OR13A1: variants seen among roughly 807,000 people sequenced by gnomAD.
The protein encoded by OR13A1 is olfactory receptor 13A1.
In OR13A1, 10 loss-of-function variants were observed where a neutral mutation model predicts 7.5. The ratio of observed to expected loss-of-function variants is 1.34; its 90% CI spans 0.83 to 2.27. OR13A1 has a LOEUF of 2.27. Ranked by LOEUF, OR13A1 falls within the 30% of genes most tolerant of loss-of-function variation. OR13A1 has a pLI of 0.00. For synonymous variants in OR13A1, 238 were observed against 177.9 expected, an observed-to-expected ratio of 1.34 and a Z score of -2.69; for missense variants, 509 against 419.1, an observed-to-expected ratio of 1.21 and a Z score of -1.87.
At chr10:45,312,680 T>A (rs1046263285) in intron 1 of OR13A1, among the ~76,000 whole-genome samples, 2 of 152,016 alleles carry the variant, frequency 1.3e-5, no homozygotes, top group African/African-American at 4.8e-5. Flanking sequence ...CAAAAGAAAG[T>A]AACTTGTCAT....
chr10:45,304,608 TG>T, intron 3 of OR13A1, 174 bp from the exon 4 acceptor site: 1 of 588,616 alleles, frequency 1.7e-6, no homozygotes, highest in Non-Finnish European at 3.0e-6. Flanking sequence ...TAAATACAGT[TG>T]GCCAGTTAAA....
chr10:45,313,088 A>G (rs1171438819), intron 1 of OR13A1, among the ~76,000 whole-genome samples: 1 of 152,124 alleles, frequency 6.6e-6, no homozygotes, highest in Non-Finnish European at 1.5e-5. Flanking sequence ...AAAAATAACT[A>G]TAAAACTGTG....
At chr10:45,315,240 G>C (rs962481229) in intron 1 of OR13A1, among the ~76,000 whole-genome samples, 3 of 152,064 alleles carry the variant, frequency 2.0e-5, no homozygotes, top group African/African-American at 7.2e-5. Flanking sequence ...CTTGAACCCA[G>C]GAGGCAAATG....
At chr10:45,308,155 G>C (rs552917517) in intron 1 of OR13A1, among the ~76,000 whole-genome samples, 1 of 152,160 alleles carries the variant, frequency 6.6e-6, no homozygotes, top group Non-Finnish European at 1.5e-5. Flanking sequence ...TTGTAGACAT[G>C]CTTCAAGAAC....
chr10:45,314,936 C>T (rs541940479), intron 1 of OR13A1, among the ~76,000 whole-genome samples: 1 of 152,162 alleles, frequency 6.6e-6, no homozygotes, highest in Non-Finnish European at 1.5e-5. Context: ...AAACAAACAA[C>T]AGCCCAGAAC....
chr10:45,314,008 C>A (rs1838484204), intron 1 of OR13A1, among the ~76,000 whole-genome samples: 1 of 151,888 alleles, frequency 6.6e-6, no homozygotes, highest in Non-Finnish European at 1.5e-5. Flanking sequence ...ACATGTTATA[C>A]CACAAAAAAA....
At chr10:45,307,957 G>A (rs1317970230) in intron 1 of OR13A1, 149 bp from the exon 2 acceptor site, 1 of 152,118 alleles carries the variant, frequency 6.6e-6, no homozygotes, top group African/African-American at 2.4e-5. Flanking sequence ...CAATTTACTT[G>A]TAGTGAGATT....
chr10:45,314,425 C>T (rs1348661465), intron 1 of OR13A1, among the ~76,000 whole-genome samples: 1 of 148,794 alleles, frequency 6.7e-6, no homozygotes, highest in African/African-American at 2.5e-5. Flanking sequence ...AGCAAGACCC[C>T]ATCTCCACAA....
At chr10:45,310,988 A>G (rs1024406198) in intron 1 of OR13A1, among the ~76,000 whole-genome samples, 26 of 152,182 alleles carry the variant, frequency 1.7e-4, no homozygotes, top group African/African-American at 9.6e-5. Flanking sequence ...TGCTTTGTAG[A>G]GTTGTGGAAT....
chr10:45,302,577 C>G (rs1321899874), downstream of OR13A1: 1 of 152,196 alleles, frequency 6.6e-6, no homozygotes, highest in East Asian at 1.9e-4. Context: ...TTCCAAGATA[C>G]AACTAAACAT....
In OR13A1 at chr10:45,304,070, T is replaced by C. The variant is rs889567050; in HGVS notation, c.353A>G (p.Gln118Arg). Reference protein sequence around the residue: ...SSISYGGCMAQLYFLTWAASS... With the variant: ...SSISYGGCMARLYFLTWAASS... ...TGCAGCCCACGTGAGGAAATAGAGC[T>C]GGGCCATGCAGCCCCCGTAGGAGAT... The change falls in exon 4 of 4, where the codon CAG (glutamine) becomes CGG (arginine). Residue 118 changes from glutamine (Q) to arginine (R), a missense_variant. Coordinates refer to ENST00000553795, the MANE Select transcript of OR13A1 (RefSeq NM_001004297.3). 3 of 1,613,930 alleles carry C rather than the reference T, an allele frequency of 1.9e-6. No homozygotes were observed. The highest frequency in any genetic ancestry group is 8.5e-7 in the Non-Finnish European group (1 of 1,179,872).
At chr10:45,306,353 T>C (rs1838329205) in intron 3 of OR13A1, among the ~76,000 whole-genome samples, 1 of 151,536 alleles carries the variant, frequency 6.6e-6, no homozygotes, top group Admixed American at 6.6e-5. Context: ...CTCTGGAGGC[T>C]GAGGCAGGAG....
chr10:45,314,596 A>G (rs1040389368), intron 1 of OR13A1, among the ~76,000 whole-genome samples: 1 of 152,096 alleles, frequency 6.6e-6, no homozygotes, highest in Non-Finnish European at 1.5e-5. Flanking sequence ...AATATAGAAT[A>G]TAAAAACAAT....
intron 1 of OR13A1, 168 bp from the exon 2 acceptor site, chr10:45,307,976 G>C (rs999136585): frequency 6.6e-6 from 1 of 152,020 alleles, no homozygotes; most frequent in African/African-American, 2.4e-5. Flanking sequence ...TTATATCTTT[G>C]TTCCAATTTA....
chr10:45,315,224 G>C (rs1017280002), intron 1 of OR13A1, among the ~76,000 whole-genome samples: 2 of 152,116 alleles, frequency 1.3e-5, no homozygotes, highest in Non-Finnish European at 2.9e-5. Context: ...TGAGACAGGA[G>C]AATCCCTTGA....
rs1838508544 is a variant in OR13A1 at position 45,315,606 on chromosome 10, A to T, written c.-307T>A. 1 of 152,180 alleles carries T rather than the reference A, an allele frequency of 6.6e-6. No individual in the cohort carries two copies. Among genetic ancestry groups the T allele is most frequent in the Non-Finnish European group, 1.5e-5 (1 of 68,036 alleles). 9.4% of individuals were successfully genotyped at this position (152,180 alleles called of 1,614,324 possible). ...CTGTCTCTTCGCTTCTATTCAATAT[A>T]GTATTTGAATTTCCAAGCAGACCAA... On this transcript the variant is annotated 5_prime_UTR_variant, in exon 1 of 4. Transcript: ENST00000553795.
rs771761970 is a variant in OR13A1, at chr10:45,304,164, T to C, written c.259A>G (p.Met87Val). The C allele has an allele frequency of 3.1e-5, 50 of 1,614,000 alleles. No homozygotes were observed. Among genetic ancestry groups the C allele is most frequent in the East Asian group, 8.9e-5 (4 of 44,894 alleles). Residue 87 changes from methionine (M) to valine (V), a missense_variant, in exon 4 of 4, where the codon ATG (methionine) becomes GTG (valine). By Grantham distance (21) the Met-to-Val change is conservative (BLOSUM62 1). Transcript: ENST00000553795. ...ATGGAAGAGGTGCAGATAATGTCCA[T>C]AGTAGCCAAGTTGAGTAAGAAAAAG... The part of the protein sequence containing the change: ...MYFFLLNLAT[M>V]DIICTSSIMP...
At chr10:45,313,303 G>T (rs969694929) in intron 1 of OR13A1, among the ~76,000 whole-genome samples, 9 of 138,486 alleles carry the variant, frequency 6.5e-5, no homozygotes, top group Non-Finnish European at 1.2e-4. Flanking sequence ...AAGGAAACAG[G>T]AAGGGAATCA....
At chr10:45,307,657 A>G (rs1838361177) in intron 2 of OR13A1, 82 bp downstream of exon 2, 1 of 152,240 alleles carries the variant, frequency 6.6e-6, no homozygotes, top group African/African-American at 2.4e-5. Context: ...TACTAAGGGT[A>G]TGAGGCAAAA....
Sources: gnomAD v4.1 joint callset for allele counts (sites outside exome capture counted in the v4.1 genomes callset) on GRCh38, gnomAD v4.1.1 for gene constraint, MANE v1.5 for transcripts, NCBI Gene and HGNC (gene_info 2026-07-23, HGNC 2026-07-21) for gene names.